Variants in SGCD observed in about 807,000 individuals in gnomAD.
SGCD encodes the protein sarcoglycan delta.
SGCD carries 18 observed loss-of-function variants against 36.6 expected under a neutral mutation model. The ratio of observed to expected loss-of-function variants is 0.49; its 90% CI spans 0.34 to 0.73. The LOEUF is 0.73. SGCD is among the 30% of genes least tolerant of loss of function. The pLI, the probability that SGCD is intolerant of heterozygous loss-of-function variation, is 0.01. For synonymous variants in SGCD, 133 were observed against 130.6 expected (o/e 1.02, Z -0.12); for missense variants, 387 against 346.7 (o/e 1.12, Z -0.92).
In SGCD at chr5:156,580,356, C is replaced by T. The variant is rs80155730; in HGVS notation, c.295-8875C>T. Among the ~76,000 whole-genome samples the T allele has an allele frequency of 4.5e-3, 686 of 152,288 alleles. 4 individuals are homozygous for T. Among genetic ancestry groups the T allele is most frequent in the African/African-American group, 0.014 (570 of 41,550 alleles). On this transcript the variant is annotated intron_variant, in intron 4 of 8. Transcript: ENST00000337851. ...TTGGCTGCCTTTAACATTTTTCCTT[C>T]ATTTCAACCTTGGTGAGTCTGACAA...
chr5:156,061,573 CCT>C (rs1760208620), intron 1 of SGCD, among the ~76,000 whole-genome samples: 1 of 145,958 alleles, frequency 6.9e-6, no homozygotes, highest in African/African-American at 2.5e-5. Flanking sequence ...GAATTGGACC[CCT>C]CAATGGAAAT....
intron 3 of SGCD, among the ~76,000 whole-genome samples, chr5:156,457,301 T>C (rs1057078722): frequency 6.6e-6 from 1 of 152,210 alleles, no homozygotes; most frequent in Non-Finnish European, 1.5e-5. Context: ...TCTAAAATAA[T>C]TTCTGACATA....
At chr5:156,675,370 C>T (rs992627495) in intron 7 of SGCD, among the ~76,000 whole-genome samples, 3 of 152,140 alleles carry the variant, frequency 2.0e-5, no homozygotes, top group African/African-American at 7.2e-5. Flanking sequence ...AGGAACTGGT[C>T]CCAGTGACCA....
intron 3 of SGCD, among the ~76,000 whole-genome samples, chr5:156,169,909 A>G (rs1281911905): frequency 6.6e-6 from 1 of 152,158 alleles, no homozygotes; most frequent in African/African-American, 2.4e-5. Context: ...AGGCTTTGGC[A>G]AGAATTATAG....
chr5:156,316,215 C>G (rs1172720940), intron 3 of SGCD, among the ~76,000 whole-genome samples: 1 of 151,834 alleles, frequency 6.6e-6, no homozygotes, highest in Non-Finnish European at 1.5e-5. Flanking sequence ...AAACAGTTCC[C>G]TAGCATCAAA....
intron 3 of SGCD, among the ~76,000 whole-genome samples, chr5:156,285,986 G>A (rs758662836): frequency 2.6e-5 from 4 of 151,648 alleles, no homozygotes; most frequent in East Asian, 1.9e-4. Flanking sequence ...AGAAAAAAAC[G>A]AACAACCCTA....
chr5:156,371,346 A>G (rs1770376599), intron 3 of SGCD, among the ~76,000 whole-genome samples: 1 of 152,218 alleles, frequency 6.6e-6, no homozygotes, highest in Non-Finnish European at 1.5e-5. Flanking sequence ...TCTCTTCTAC[A>G]GAGACAAATC....
chr5:156,253,180 C>A (rs954003585), intron 3 of SGCD, among the ~76,000 whole-genome samples: 1 of 152,136 alleles, frequency 6.6e-6, no homozygotes, highest in Non-Finnish European at 1.5e-5. Flanking sequence ...CAGTTGGGAA[C>A]AGGAAAGGAA....
At chr5:156,505,470 G>A (rs917851214) in intron 3 of SGCD, among the ~76,000 whole-genome samples, 13 of 152,200 alleles carry the variant, frequency 8.5e-5, no homozygotes, top group African/African-American at 2.9e-4. Context: ...GAGGTATACA[G>A]CACAATAGCA....
At chr5:155,842,291 C>G in the SGCD span, among the ~76,000 whole-genome samples, 23 of 143,116 alleles carry the variant, frequency 1.6e-4, no homozygotes, top group Non-Finnish European at 1.8e-4. Context: ...AGATAACTGA[C>G]TGGCTGGGCA....
At chr5:155,727,991 G>A in the SGCD span, among the ~76,000 whole-genome samples, 1 of 152,266 alleles carries the variant, frequency 6.6e-6, no homozygotes, top group East Asian at 1.9e-4. Flanking sequence ...CTGATCTTGC[G>A]GAGTGGAGCT....
chr5:156,406,036 G>GAAAAAAT (rs79259925), intron 3 of SGCD, among the ~76,000 whole-genome samples: 2 of 136,598 alleles, frequency 1.5e-5, no homozygotes, highest in South Asian at 2.4e-4. Context: ...AAAAAAAAAG[G>GAAAAAAT]CCTCTGGGCA....
chr5:155,900,847 AC>A lies in SGCD; in HGVS notation c.-282+30424del, dbSNP rs535699874. ...TTGAGGTATAACTGGTAATAAAAAA[AC>A]AACATAATATAAACAATTTGATGAG... On this transcript the variant is annotated intron_variant, in intron 1 of 9. Coordinates refer to the SGCD transcript ENST00000517913. 4.9e-4 allele frequency among the ~76,000 whole-genome samples: 74 copies of A among 152,310 alleles called. 1 individual carries two copies. The highest frequency in any genetic ancestry group is 1.7e-3 in the African/African-American group (70 of 41,570).
intron 3 of SGCD, among the ~76,000 whole-genome samples, chr5:156,473,870 CTGTA>C (rs1755072344): frequency 6.6e-6 from 1 of 151,896 alleles, no homozygotes; most frequent in Admixed American, 6.6e-5. Context: ...GGCTTGAGTG[CTGTA>C]TGTGTCAAGA....
intron 1 of SGCD, among the ~76,000 whole-genome samples, chr5:156,115,993 C>T (rs561809261): frequency 1.3e-5 from 2 of 152,212 alleles, no homozygotes; most frequent in African/African-American, 4.8e-5. Flanking sequence ...GAAATGTTAG[C>T]AGTCATTGAT....
At chr5:156,344,896 T>C (rs991301656) in intron 3 of SGCD, among the ~76,000 whole-genome samples, 2 of 152,234 alleles carry the variant, frequency 1.3e-5, no homozygotes, top group Non-Finnish European at 2.9e-5. Context: ...CTTAAAGATA[T>C]TTCCCTCCTT....
chr5:156,173,847 GT>G (rs991501476), intron 3 of SGCD, among the ~76,000 whole-genome samples: 1 of 151,616 alleles, frequency 6.6e-6, no homozygotes, highest in African/African-American at 2.4e-5. Context: ...TGTATCTATA[GT>G]TTTTTTGATG....
intron 7 of SGCD, among the ~76,000 whole-genome samples, chr5:156,673,308 C>A (rs1753378282): frequency 6.6e-6 from 1 of 152,180 alleles, no homozygotes. Flanking sequence ...ATTCCTCTTT[C>A]ATTTACTGAA....
intron 3 of SGCD, among the ~76,000 whole-genome samples, chr5:156,262,943 A>C (rs906529196): frequency 6.6e-6 from 1 of 151,770 alleles, no homozygotes; most frequent in African/African-American, 2.4e-5. Context: ...ATATATATAC[A>C]CACACATATA....
Sources: gnomAD v4.1 joint callset for allele counts (sites outside exome capture counted in the v4.1 genomes callset) on GRCh38, gnomAD v4.1.1 for gene constraint, MANE v1.5 for transcripts, NCBI Gene and HGNC (gene_info 2026-07-23, HGNC 2026-07-21) for gene names.